ABHD16B: variants seen among roughly 807,000 people sequenced by gnomAD.
The protein encoded by ABHD16B is abhydrolase domain containing 16B, also known as abhydrolase domain-containing protein 16B.
In ABHD16B, 14 loss-of-function variants were observed where a neutral mutation model predicts 10.5. The observed-to-expected ratio is 1.33, with a 90% CI of 0.88 to 2.08. The LOEUF is 2.08. Among genes scored for constraint, ABHD16B ranks in the 30% most tolerant of loss-of-function variants. ABHD16B has a pLI of 0.00. For synonymous variants in ABHD16B, 374 were observed against 337.9 expected, an observed-to-expected ratio of 1.11 and a Z score of -1.17; for missense variants, 763 against 717.4, an observed-to-expected ratio of 1.06 and a Z score of -0.73.
chr20:63,861,735 G>A lies in ABHD16B; in HGVS notation c.195G>A (p.Glu65=). The A allele has an allele frequency of 1.4e-6, 2 of 1,421,046 alleles. No homozygotes were observed. The highest frequency in any genetic ancestry group is 1.8e-6 in the Non-Finnish European group (2 of 1,097,528). 88.0% of individuals were successfully genotyped at this position (1,421,046 alleles called of 1,614,324 possible). Reference sequence around the variant, plus strand: ...CGGGCGTGTGGTTGCTGCGGGACGAGACGCTGGGCGGGGATGCGCTGGGGC... The same window carrying A: ...CGGGCGTGTGGTTGCTGCGGGACGAAACGCTGGGCGGGGATGCGCTGGGGC... ...AAAGVWLLRD[E]TLGGDALGRP... is the part of the protein sequence containing the mutation. Residue 65 remains glutamate, a synonymous_variant, in exon 1 of 1, where the codon GAG becomes GAA. Coordinates refer to ENST00000369916, the MANE Select transcript of ABHD16B (RefSeq NM_080622.4). The surrounding 1 kb of genome is among the most constrained non-coding windows in gnomAD (Gnocchi z 5.4).
chr20:63,862,341 G>T lies in ABHD16B; in HGVS notation c.801G>T (p.Val267=). 2 of 1,612,184 alleles carry T rather than the reference G, an allele frequency of 1.2e-6. No homozygotes were observed. Among genetic ancestry groups the T allele is most frequent in the East Asian group, 4.5e-5 (2 of 44,864 alleles). The part of the protein sequence containing the change: ...TMTYPELGAL[V]LDATFDDLVP... ...CCTACCCGGAGCTGGGTGCACTGGT[G>T]CTGGACGCCACCTTCGACGACCTTG... The change falls in exon 1 of 1, where the codon GTG becomes GTT. Residue 267 remains valine, a synonymous_variant. Transcript: ENST00000369916. The surrounding 1 kb of genome is among the most constrained non-coding windows in gnomAD (Gnocchi z 7.5).
In ABHD16B at chr20:63,862,648, C is replaced by T. The variant is rs115631951; in HGVS notation, c.1108C>T (p.Arg370Cys). 4.6e-6 allele frequency: 7 copies of T among 1,537,672 alleles called. No homozygotes were observed. In the Admixed American group the frequency reaches 5.9e-5, roughly 13 times the overall value. Residue 370 changes from arginine (R) to cysteine (C), a missense_variant, in exon 1 of 1, where the codon CGC (arginine) becomes TGC (cysteine). Transcript: ENST00000369916. This position sits in a 1 kb window ranked among gnomAD's most constrained non-coding sequence, Gnocchi z 7.5. The stretch of plus-strand genomic sequence containing the variant: ...GCGAGAGGGCCGCGCCGTCGTCACC[C>T]GCTGGCTGCGCGCTGGCAGCTTGGC... ...MAREGRAVVT[R>C]WLRAGSLAQE... is the part of the protein sequence containing the mutation.
chr20:63,862,473 G>A lies in ABHD16B; in HGVS notation c.933G>A (p.Pro311=), dbSNP rs1166652038. 5.9e-5 allele frequency: 92 copies of A among 1,564,416 alleles called. No homozygotes were observed. The highest frequency in any genetic ancestry group is 6.9e-5 in the Non-Finnish European group (80 of 1,160,382). ...LNVAEQLCCY[P]GPVLLLRRTQ... ...TGGCCGAGCAGCTGTGCTGCTACCC[G>A]GGGCCGGTGCTGCTGCTCCGACGCA... The change falls in exon 1 of 1, where the codon CCG becomes CCA. Residue 311 remains proline (P), a synonymous_variant. Coordinates refer to ENST00000369916, the MANE Select transcript of ABHD16B (RefSeq NM_080622.4). This position sits in a 1 kb window ranked among gnomAD's most constrained non-coding sequence, Gnocchi z 7.5.
rs908615249 is a variant in ABHD16B, at chr20:63,862,702, C to G, written c.1162C>G (p.Arg388Gly). The change falls in exon 1 of 1, where the codon CGC becomes GGC. Residue 388 changes from arginine to glycine, a missense_variant. Arg to Gly is a moderately radical substitution (Grantham distance 125, BLOSUM62 -2). Coordinates refer to ENST00000369916, the MANE Select transcript of ABHD16B (RefSeq NM_080622.4). The surrounding 1 kb of genome is among the most constrained non-coding windows in gnomAD (Gnocchi z 7.5). ...AQEAAFYARY[R>G]VDEDWCLALL... The stretch of plus-strand genomic sequence containing the variant: ...GGAGGCCGCCTTCTATGCACGCTAC[C>G]GCGTGGACGAGGACTGGTGCCTGGC... 11 of 1,533,594 alleles carry G rather than the reference C, an allele frequency of 7.2e-6. No homozygotes were observed. Among genetic ancestry groups the G allele is most frequent in the Middle Eastern group, 3.7e-4 (2 of 5,382 alleles). The allele number at this position is 1,533,594 out of a possible 1,614,324, so 95.0% of individuals were successfully genotyped here. A position where few individuals can be genotyped will look rare whatever the true frequency, so the allele number is the denominator to read the frequency against.
Position 63,862,153 on chromosome 20 carries a change from C to G in ABHD16B, c.613C>G (p.Pro205Ala). Reference sequence around the variant, plus strand: ...CTACTCCGTGCTGGGCTGGAACCACCCCGGCTTCGGCAGCAGCACTGGCGT... The same window carrying G: ...CTACTCCGTGCTGGGCTGGAACCACGCCGGCTTCGGCAGCAGCACTGGCGT... Reference protein sequence around the residue: ...AGYSVLGWNHPGFGSSTGVPF... With the variant: ...AGYSVLGWNHAGFGSSTGVPF... Residue 205 changes from proline to alanine, a missense_variant, in exon 1 of 1, where the codon CCC becomes GCC. By Grantham distance (27) the Pro-to-Ala change is conservative (BLOSUM62 -1). Coordinates refer to ENST00000369916, the MANE Select transcript of ABHD16B (RefSeq NM_080622.4). The surrounding 1 kb of genome is among the most constrained non-coding windows in gnomAD (Gnocchi z 7.5). 1 of 1,611,518 alleles carries G rather than the reference C, an allele frequency of 6.2e-7. No individual in the cohort carries two copies.
Position 63,862,520 on chromosome 20 carries a change from CT to C in ABHD16B, c.982del (p.Ser328ArgfsTer32). ...CGCACGCAGGATGACGTGGTCAGCACTTCGGGCCGCCTGCGCCCCCTGTCAC... is the reference window on the plus strand; with the variant it reads ...CGCACGCAGGATGACGTGGTCAGCACTCGGGCCGCCTGCGCCCCCTGTCAC... ...LRRTQDDVVS[T>X]SGRLRPLSPG... On this transcript the variant is annotated frameshift_variant, in exon 1 of 1. Coordinates refer to ENST00000369916, the MANE Select transcript of ABHD16B (RefSeq NM_080622.4). LOFTEE classifies it low-confidence loss of function (END_TRUNC). This position sits in a 1 kb window ranked among gnomAD's most constrained non-coding sequence, Gnocchi z 7.5. 1 of 1,568,976 alleles carries C rather than the reference CT, an allele frequency of 6.4e-7. No homozygotes were observed. The highest frequency in any genetic ancestry group is 1.8e-5 in the Admixed American group (1 of 55,408).
In ABHD16B at chr20:63,862,086, C is replaced by T. The variant is rs772146657; in HGVS notation, c.546C>T (p.Gly182=). 9 of 1,611,804 alleles carry T rather than the reference C, an allele frequency of 5.6e-6. No homozygotes were observed. Among genetic ancestry groups the T allele is most frequent in the Non-Finnish European group, 7.6e-6 (9 of 1,179,736 alleles). ...RLVICCEGNA[G]FYEMGCLSAP... ...TCATCTGCTGCGAAGGCAACGCGGG[C>T]TTCTACGAGATGGGCTGTCTGTCTG... The change falls in exon 1 of 1, where the codon GGC becomes GGT. Residue 182 remains glycine (G), a synonymous_variant. Transcript: ENST00000369916. The surrounding 1 kb of genome is among the most constrained non-coding windows in gnomAD (Gnocchi z 7.5).
At position 63,861,949 on chromosome 20, in the gene ABHD16B, C is replaced by A. The variant is rs1458122994; in HGVS notation, c.409C>A (p.Arg137Ser). ...GCAGGGCCAAGAGCGCCTCGTGGAG[C>A]GCTACCACGGCCGGCGCGCCAAGCT... ...LQQGQERLVE[R>S]YHGRRAKLVA... Residue 137 changes from arginine (R) to serine (S), a missense_variant, in exon 1 of 1, where the codon CGC becomes AGC. By Grantham distance (110) the Arg-to-Ser change is moderately radical. Coordinates refer to ENST00000369916, the MANE Select transcript of ABHD16B (RefSeq NM_080622.4). The surrounding 1 kb of genome is among the most constrained non-coding windows in gnomAD (Gnocchi z 5.4). 5.6e-6 allele frequency: 9 copies of A among 1,597,314 alleles called. No homozygotes were observed. Among genetic ancestry groups the A allele is most frequent in the Non-Finnish European group, 7.6e-6 (9 of 1,178,102 alleles).
Position 63,861,988 on chromosome 20 carries a change from G to T in ABHD16B, c.448G>T (p.Gly150Cys). ...GCGCGCCAAGCTGGTGGCCTGTGAC[G>T]GCAACGAGATCGACACTATGTTCAT... is the stretch of plus-strand genomic sequence containing the variant. ...GRRAKLVACD[G>C]NEIDTMFMDR... Residue 150 changes from glycine (G) to cysteine (C), a missense_variant, in exon 1 of 1, where the codon GGC becomes TGC. Coordinates refer to ENST00000369916, the MANE Select transcript of ABHD16B (RefSeq NM_080622.4). This position sits in a 1 kb window ranked among gnomAD's most constrained non-coding sequence, Gnocchi z 5.4. The T allele has an allele frequency of 6.3e-7, 1 of 1,599,558 alleles. No individual in the cohort carries two copies. The highest frequency in any genetic ancestry group is 8.5e-7 in the Non-Finnish European group (1 of 1,177,956).
chr20:63,861,994 G>C lies in ABHD16B; in HGVS notation c.454G>C (p.Glu152Gln), dbSNP rs886303856. ...RAKLVACDGN[E>Q]IDTMFMDRRQ... is the part of the protein sequence containing the mutation. ...CAAGCTGGTGGCCTGTGACGGCAAC[G>C]AGATCGACACTATGTTCATGGACCG... The change falls in exon 1 of 1, where the codon GAG becomes CAG. Residue 152 changes from glutamate (E) to glutamine (Q), a missense_variant. Physicochemically the swap from Glu to Gln is conservative, Grantham distance 29. Coordinates refer to ENST00000369916, the MANE Select transcript of ABHD16B (RefSeq NM_080622.4). The surrounding 1 kb of genome is among the most constrained non-coding windows in gnomAD (Gnocchi z 5.4). The C allele has an allele frequency of 1.2e-6, 2 of 1,603,446 alleles. No homozygotes were observed. The highest frequency in any genetic ancestry group is 1.7e-5 in the Admixed American group (1 of 59,812).
rs1391785285 is a variant in ABHD16B at position 63,862,477 on chromosome 20, C to T, written c.937C>T (p.Pro313Ser). The T allele has an allele frequency of 6.4e-7, 1 of 1,564,340 alleles. No individual in the cohort carries two copies. Among genetic ancestry groups the T allele is most frequent in the East Asian group, 2.3e-5 (1 of 42,728 alleles). Residue 313 changes from proline to serine, a missense_variant, in exon 1 of 1, where the codon CCG becomes TCG. Transcript: ENST00000369916. This position sits in a 1 kb window ranked among gnomAD's most constrained non-coding sequence, Gnocchi z 7.5. ...VAEQLCCYPG[P>S]VLLLRRTQDD... is the part of the protein sequence containing the mutation. ...CGAGCAGCTGTGCTGCTACCCGGGG[C>T]CGGTGCTGCTGCTCCGACGCACGCA...
Position 63,862,303 on chromosome 20 carries a change from T to A in ABHD16B, c.763T>A (p.Trp255Arg). 1.2e-6 allele frequency: 2 copies of A among 1,612,052 alleles called. No homozygotes were observed. Among genetic ancestry groups the A allele is most frequent in the Non-Finnish European group, 8.5e-7 (1 of 1,179,698 alleles). Residue 255 changes from tryptophan to arginine, a missense_variant, in exon 1 of 1, where the codon TGG becomes AGG. Transcript: ENST00000369916. The surrounding 1 kb of genome is among the most constrained non-coding windows in gnomAD (Gnocchi z 7.5). ...GWSVGGFTAT[W>R]ATMTYPELGA... ...GTCTGTTGGCGGCTTCACGGCCACC[T>A]GGGCCACCATGACCTACCCGGAGCT...
Position 63,862,909 on chromosome 20 carries a change from C to T in ABHD16B, c.1369C>T (p.Pro457Ser). The T allele has an allele frequency of 2.0e-6, 3 of 1,514,476 alleles. No homozygotes were observed. Among genetic ancestry groups the T allele is most frequent in the Non-Finnish European group, 2.6e-6 (3 of 1,132,546 alleles). The allele number at this position is 1,514,476 out of a possible 1,614,324, so 93.8% of individuals were successfully genotyped here. The change falls in exon 1 of 1, where the codon CCT becomes TCT. Residue 457 changes from proline to serine, a missense_variant. By Grantham distance (74) the Pro-to-Ser change is moderately conservative. Transcript: ENST00000369916. The surrounding 1 kb of genome is among the most constrained non-coding windows in gnomAD (Gnocchi z 7.5). ...GAACGTGGAGGCGACTCACTTCAGC[C>T]CTCTGGAGCCTGAGGAGTTTCAGTT... The part of the protein sequence containing the change: ...LKNVEATHFS[P>S]LEPEEFQLPW...
rs942517984 is a variant in ABHD16B, at chr20:63,862,218, G to A, written c.678G>A (p.Val226=). The A allele has an allele frequency of 6.2e-7, 1 of 1,611,338 alleles. No homozygotes were observed. The highest frequency in any genetic ancestry group is 1.3e-5 in the African/African-American group (1 of 74,902). Reference sequence around the variant, plus strand: ...ACGACGCCAACGCCATGGACGTGGTGGTCGAGTACGCACTGCACCGCCTGC... The same window carrying A: ...ACGACGCCAACGCCATGGACGTGGTAGTCGAGTACGCACTGCACCGCCTGC... ...PQHDANAMDV[V]VEYALHRLHF... Residue 226 remains valine, a synonymous_variant, in exon 1 of 1, where the codon GTG becomes GTA. Coordinates refer to ENST00000369916, the MANE Select transcript of ABHD16B (RefSeq NM_080622.4). This position sits in a 1 kb window ranked among gnomAD's most constrained non-coding sequence, Gnocchi z 7.5.
Position 63,861,674 on chromosome 20 carries a change from G to A in ABHD16B, c.134G>A (p.Ser45Asn), listed in dbSNP as rs1191793280. ...GACGTGCGCGCCGTGGGCCGGAGCA[G>A]CAGCCACCGGGCGCTGACCTGCGCG... is the stretch of plus-strand genomic sequence containing the variant. ...WDDVRAVGRS[S>N]SHRALTCAAA... The change falls in exon 1 of 1, where the codon AGC (serine) becomes AAC (asparagine). Residue 45 changes from serine (S) to asparagine (N), a missense_variant. By Grantham distance (46) the Ser-to-Asn change is conservative (BLOSUM62 1). Transcript: ENST00000369916. This position sits in a 1 kb window ranked among gnomAD's most constrained non-coding sequence, Gnocchi z 5.4. The A allele has an allele frequency of 1.3e-6, 2 of 1,533,874 alleles. No homozygotes were observed. Among genetic ancestry groups the A allele is most frequent in the South Asian group, 1.2e-5 (1 of 83,854 alleles).
chr20:63,861,638 T>G lies in ABHD16B; in HGVS notation c.98T>G (p.Phe33Cys). 6.5e-7 allele frequency: 1 copy of G among 1,547,300 alleles called. No homozygotes were observed. The highest frequency in any genetic ancestry group is 8.7e-7 in the Non-Finnish European group (1 of 1,148,598). Residue 33 changes from phenylalanine to cysteine, a missense_variant, in exon 1 of 1, where the codon TTC becomes TGC. By Grantham distance (205) the Phe-to-Cys change is radical. Coordinates refer to ENST00000369916, the MANE Select transcript of ABHD16B (RefSeq NM_080622.4). The surrounding 1 kb of genome is among the most constrained non-coding windows in gnomAD (Gnocchi z 5.4). ...CCATTCCGCGGCTGGCCCGTGGCCT[T>G]CCGCTGGGATGACGTGCGCGCCGTG... ...TYPFRGWPVA[F>C]RWDDVRAVGR...
In ABHD16B at chr20:63,862,191, G is replaced by A. The variant is rs1264987308; in HGVS notation, c.651G>A (p.Gln217=). 2.2e-5 allele frequency: 36 copies of A among 1,611,226 alleles called. No homozygotes were observed. Among genetic ancestry groups the A allele is most frequent in the Non-Finnish European group, 3.1e-5 (36 of 1,179,676 alleles). The change falls in exon 1 of 1, where the codon CAG becomes CAA. Residue 217 remains glutamine (Q), a synonymous_variant. Coordinates refer to ENST00000369916, the MANE Select transcript of ABHD16B (RefSeq NM_080622.4). The surrounding 1 kb of genome is among the most constrained non-coding windows in gnomAD (Gnocchi z 7.5). ...GCAGCACTGGCGTGCCCTTCCCTCA[G>A]CACGACGCCAACGCCATGGACGTGG... ...FGSSTGVPFP[Q]HDANAMDVVV...
Position 63,862,853 on chromosome 20 carries a change from T to A in ABHD16B, c.1313T>A (p.Leu438His). The A allele has an allele frequency of 1.3e-6, 2 of 1,537,334 alleles. No homozygotes were observed. Among genetic ancestry groups the A allele is most frequent in the South Asian group, 2.4e-5 (2 of 83,908 alleles). ...CTGAGCTCGCGGCGGCGCCGGCGCC[T>A]CGCACTGTTCCTGGCTCGGAAGCAC... ...QGLSSRRRRR[L>H]ALFLARKHLK... Residue 438 changes from leucine (L) to histidine (H), a missense_variant, in exon 1 of 1, where the codon CTC (leucine) becomes CAC (histidine). Coordinates refer to ENST00000369916, the MANE Select transcript of ABHD16B (RefSeq NM_080622.4). This position sits in a 1 kb window ranked among gnomAD's most constrained non-coding sequence, Gnocchi z 7.5.
At position 63,861,641 on chromosome 20, in the gene ABHD16B, G is replaced by T. The variant is rs2052082410; in HGVS notation, c.101G>T (p.Arg34Leu). Residue 34 changes from arginine to leucine, a missense_variant, in exon 1 of 1, where the codon CGC (arginine) becomes CTC (leucine). Physicochemically the swap from Arg to Leu is moderately radical, Grantham distance 102 (BLOSUM62 -2). Coordinates refer to ENST00000369916, the MANE Select transcript of ABHD16B (RefSeq NM_080622.4). This position sits in a 1 kb window ranked among gnomAD's most constrained non-coding sequence, Gnocchi z 5.4. ...YPFRGWPVAFRWDDVRAVGRS... is the reference protein window; with the variant it reads ...YPFRGWPVAFLWDDVRAVGRS... Reference sequence around the variant, plus strand: ...TTCCGCGGCTGGCCCGTGGCCTTCCGCTGGGATGACGTGCGCGCCGTGGGC... The same window carrying T: ...TTCCGCGGCTGGCCCGTGGCCTTCCTCTGGGATGACGTGCGCGCCGTGGGC... 4 of 1,546,612 alleles carry T rather than the reference G, an allele frequency of 2.6e-6. No homozygotes were observed. The highest frequency in any genetic ancestry group is 3.5e-6 in the Non-Finnish European group (4 of 1,148,328).
Sources: gnomAD v4.1 joint callset for allele counts on GRCh38, gnomAD v4.1.1 for gene constraint, Gnocchi (gnomAD v3.1) non-coding constraint, MANE v1.5 for transcripts, NCBI Gene and HGNC (gene_info 2026-07-23, HGNC 2026-07-21) for gene names.